TACC2: variants seen among roughly 807,000 people sequenced by gnomAD.
The protein encoded by TACC2 is transforming acidic coiled-coil-containing protein 2.
In TACC2, 137 loss-of-function variants were observed where a neutral mutation model predicts 227.3. That is an observed-to-expected ratio of 0.60 (90% CI 0.52 to 0.69). The LOEUF is 0.69. Among genes scored for constraint, TACC2 ranks in the 30% least tolerant of loss-of-function variants. The pLI is 0.00. For synonymous variants in TACC2, 1,523 were observed against 1,487.5 expected (o/e 1.02, Z -0.55); for missense variants, 3,470 against 3,694.4 (o/e 0.94, Z 1.57).
At chr10:122,002,473 A>T (rs1189240759) in intron 1 of TACC2, among the ~76,000 whole-genome samples, 1 of 152,082 alleles carries the variant, frequency 6.6e-6, no homozygotes, top group Non-Finnish European at 1.5e-5. Context: ...AGGTTGAGGA[A>T]TCAGTGTCAT....
intron 3 of TACC2, among the ~76,000 whole-genome samples, chr10:122,068,028 C>G (rs937179438): frequency 6.6e-6 from 1 of 152,114 alleles, no homozygotes; most frequent in Non-Finnish European, 1.5e-5. Flanking sequence ...AGTCTTAATT[C>G]TCTCTGTGTT....
intron 1 of TACC2, among the ~76,000 whole-genome samples, chr10:122,008,306 C>A (rs992112269): frequency 7.1e-6 from 1 of 140,662 alleles, no homozygotes; most frequent in Non-Finnish European, 1.5e-5. Flanking sequence ...GTTGCCAAGG[C>A]TGGAGTGCAG....
chr10:122,084,225 C>T lies in TACC2; in HGVS notation c.1725C>T (p.Ser575=), dbSNP rs368976938. The T allele has an allele frequency of 1.9e-6, 3 of 1,613,946 alleles. No homozygotes were observed. The highest frequency in any genetic ancestry group is 2.7e-5 in the African/African-American group (2 of 74,916). ...AKEGSRSPGD[S]PGGKEEAPEP... ...AAGGAAGCAGATCACCTGGTGACAG[C>T]CCTGGAGGAAAGGAGGAAGCCCCAG... The change falls in exon 4 of 23, where the codon AGC becomes AGT. Residue 575 remains serine (S), a synonymous_variant. Transcript: ENST00000369005.
chr10:122,060,953 G>A (rs952854007), intron 3 of TACC2, among the ~76,000 whole-genome samples: 22 of 141,462 alleles, frequency 1.6e-4, no homozygotes, highest in African/African-American at 4.1e-4. Context: ...TGCAGTGAGC[G>A]AAGATCATGT....
chr10:122,221,859 A>G (rs1407300337), intron 11 of TACC2, among the ~76,000 whole-genome samples: 1 of 152,190 alleles, frequency 6.6e-6, no homozygotes, highest in African/African-American at 2.4e-5. Context: ...GATCCTAGCA[A>G]TGGAGACCTG....
intron 2 of TACC2, among the ~76,000 whole-genome samples, chr10:122,045,547 G>T (rs989664830): frequency 1.3e-5 from 2 of 152,234 alleles, no homozygotes; most frequent in African/African-American, 4.8e-5. Context: ...CACAGAAAGT[G>T]TTCCTAATAA....
intron 1 of TACC2, among the ~76,000 whole-genome samples, chr10:122,016,742 C>G (rs1042501250): frequency 2.6e-5 from 4 of 152,090 alleles, no homozygotes; most frequent in African/African-American, 9.7e-5. Flanking sequence ...CAGCTTCTTC[C>G]GACTCCAAGT....
chr10:122,088,493 T>C lies in TACC2; in HGVS notation c.5475T>C (p.Pro1825=), dbSNP rs1394724212. The C allele has an allele frequency of 1.2e-6, 2 of 1,613,124 alleles. No individual in the cohort carries two copies. Among genetic ancestry groups the C allele is most frequent in the South Asian group, 1.1e-5 (1 of 90,744 alleles). ...ATTATCCCAGAGAGAGCCCCAGGCC[T>C]GGCCCATCCATGTTACCTTCGGTTC... ...ELHTDRESPR[P]GPSMLPSVPK... The change falls in exon 5 of 23, where the codon CCT becomes CCC. Residue 1825 remains proline (P), a synonymous_variant. Coordinates refer to ENST00000369005, the MANE Select transcript of TACC2 (RefSeq NM_206862.4).
Position 122,050,292 on chromosome 10 carries a change from G to T in TACC2, c.34-146G>T. 3.1e-6 allele frequency: 2 copies of T among 655,412 alleles called. No homozygotes were observed. The highest frequency in any genetic ancestry group is 5.5e-6 in the Non-Finnish European group (2 of 365,856). The allele number at this position is 655,412 out of a possible 1,614,324, so 40.6% of individuals were successfully genotyped here. A position where few individuals can be genotyped will look rare whatever the true frequency, so the allele number is the denominator to read the frequency against. On this transcript the variant is annotated intron_variant, in intron 2 of 22. Transcript: ENST00000369005. The surrounding 1 kb of genome is among the most constrained non-coding windows in gnomAD (Gnocchi z 4.6). ...TATCCTCAAGGCCTAGCTCAGTGCCGCACATAGTAGGTGTTTCGTTGGACG... is the reference window on the plus strand; with the variant it reads ...TATCCTCAAGGCCTAGCTCAGTGCCTCACATAGTAGGTGTTTCGTTGGACG...
At chr10:122,164,113 T>C in intron 7 of TACC2, 5 of 1,226,414 alleles carry the variant, frequency 4.1e-6, no homozygotes, top group Non-Finnish European at 5.8e-6. Context: ...CCTGGGGTTC[T>C]TCGCAGCCTT....
At chr10:122,126,316 C>CTGTGTGTGTGTGTG (rs3037067) in intron 5 of TACC2, among the ~76,000 whole-genome samples, 23,209 of 141,816 alleles carry the variant, frequency 0.16, 2,395 homozygotes, top group South Asian at 0.27. Context: ...TAATCCAGAA[C>CTGTGTGTGTGTGTG]TGTGTGTGTG....
intron 1 of TACC2, among the ~76,000 whole-genome samples, chr10:122,014,946 T>C (rs2135407323): frequency 6.6e-6 from 1 of 152,300 alleles, no homozygotes; most frequent in South Asian, 2.1e-4. Flanking sequence ...AAACAAGAGA[T>C]AAAGGCGGAA....
chr10:122,059,918 GA>G (rs2076611153), intron 3 of TACC2, among the ~76,000 whole-genome samples: 1 of 151,704 alleles, frequency 6.6e-6, no homozygotes, highest in Non-Finnish European at 1.5e-5. Flanking sequence ...CACTGAACTA[GA>G]AACTCAGGGT....
At position 122,210,949 on chromosome 10, in the gene TACC2, C is replaced by A. The variant is rs146669395; in HGVS notation, c.6524C>A (p.Thr2175Lys). The A allele has an allele frequency of 1.3e-5, 21 of 1,613,818 alleles. No individual in the cohort carries two copies. The highest frequency in any genetic ancestry group is 1.8e-5 in the Non-Finnish European group (21 of 1,179,992). Reference sequence around the variant, plus strand: ...GAGAATCTAGCATCTGAGACGAAAACGGAATCTGCCAAGACGGAAGGTCCT... The same window carrying A: ...GAGAATCTAGCATCTGAGACGAAAAAGGAATCTGCCAAGACGGAAGGTCCT... ...SGENLASETK[T>K]ESAKTEGPSP... Residue 2175 changes from threonine to lysine, a missense_variant, in exon 9 of 23, where the codon ACG becomes AAG. By Grantham distance (78) the Thr-to-Lys change is moderately conservative. Around this residue, in one of 10 missense-constraint regions of TACC2, gnomAD observed 593 missense variants for 636.6 expected, o/e 0.93. Transcript: ENST00000369005. The surrounding 1 kb of genome is among the most constrained non-coding windows in gnomAD (Gnocchi z 4.6).
At chr10:122,013,506 T>C (rs1956196035) in intron 1 of TACC2, among the ~76,000 whole-genome samples, 1 of 152,182 alleles carries the variant, frequency 6.6e-6, no homozygotes, top group African/African-American at 2.4e-5. Context: ...AGAAAGAAGC[T>C]GAGGTCTCCT....
chr10:122,163,747 G>C (rs1242000010), intron 7 of TACC2: 4 of 1,190,558 alleles, frequency 3.4e-6, no homozygotes, highest in South Asian at 8.5e-5. Context: ...CCCCCGGCTC[G>C]GGCCGCGAGT....
chr10:122,131,177 CA>C (rs10572276), intron 5 of TACC2, among the ~76,000 whole-genome samples: 48,655 of 95,254 alleles, frequency 0.51, 12,869 homozygotes, highest in Non-Finnish European at 0.66. Flanking sequence ...GACGCTTTCT[CA>C]AAAAAAAAAA....
chr10:122,176,073 T>TTCTCTCTCTC (rs55655832), intron 7 of TACC2, among the ~76,000 whole-genome samples: 31 of 92,762 alleles, frequency 3.3e-4, no homozygotes, highest in Non-Finnish European at 5.0e-4. Flanking sequence ...GAGCAAAACC[T>TTCTCTCTCTC]TCTCTCTCTC....
chr10:122,093,989 C>T (rs891372849), intron 5 of TACC2, among the ~76,000 whole-genome samples: 6 of 152,186 alleles, frequency 3.9e-5, no homozygotes, highest in Admixed American at 2.6e-4. Flanking sequence ...CGTCTCTGAG[C>T]CTGTTTCTGT....
Sources: allele counts gnomAD v4.1 joint callset (sites outside exome capture counted in the v4.1 genomes callset), GRCh38; gene constraint gnomAD v4.1.1; regional missense constraint gnomAD v4.1.1; non-coding constraint Gnocchi (gnomAD v3.1); transcripts MANE v1.5; gene names NCBI Gene and HGNC (gene_info 2026-07-23, HGNC 2026-07-21).